The following ANO1 variants were observed in gnomAD, a reference collection of about 807,000 sequenced individuals.
ANO1 encodes anoctamin-1.
A neutral mutation model predicts 124.0 loss-of-function variants in ANO1; 59 were observed. That is an observed-to-expected ratio of 0.48 (90% CI 0.39 to 0.59). The LOEUF is 0.59. Ranked by LOEUF, ANO1 falls within the 20% of genes least tolerant of loss-of-function variation. ANO1 has a pLI of 0.00. For synonymous variants in ANO1, 529 were observed against 532.0 expected, an observed-to-expected ratio of 0.99 and a Z score of 0.08; for missense variants, 1,059 against 1,328.0, an observed-to-expected ratio of 0.80 and a Z score of 3.15.
At chr11:70,056,325 T>C (rs1857434016) in intron 1 of ANO1, 1 of 152,198 alleles carries the variant, frequency 6.6e-6, no homozygotes, top group Admixed American at 6.5e-5. Flanking sequence ...TTCAGCAATT[T>C]CAATATGTCA....
chr11:70,101,419 G>A (rs921982544), intron 2 of ANO1, among the ~76,000 whole-genome samples: 5 of 151,878 alleles, frequency 3.3e-5, no homozygotes, highest in Admixed American at 1.3e-4. Flanking sequence ...AGCTAGGCGT[G>A]GTGGTGCATG....
chr11:70,002,289 C>T (rs181680305), intron 1 of ANO1, among the ~76,000 whole-genome samples: 5 of 151,818 alleles, frequency 3.3e-5, no homozygotes, highest in South Asian at 2.1e-4. Flanking sequence ...TATGGTGAAA[C>T]CCCATCTCTA....
intron 11 of ANO1, 166 bp from the exon 12 acceptor site, chr11:70,149,544 G>A (rs146609527): frequency 9.3e-5 from 59 of 631,076 alleles, no homozygotes; most frequent in East Asian, 2.9e-4. Flanking sequence ...CCAGCTACTC[G>A]GGAGGCTGAG....
At chr11:70,080,972 C>G (rs367692408) in intron 1 of ANO1, among the ~76,000 whole-genome samples, 1 of 152,212 alleles carries the variant, frequency 6.6e-6, no homozygotes. Context: ...AGTCACCCAA[C>G]GAAGGCGGCT....
At chr11:70,122,189 T>TCTATC (rs2046316349) in intron 8 of ANO1, among the ~76,000 whole-genome samples, 1 of 67,482 alleles carries the variant, frequency 1.5e-5, no homozygotes, top group Admixed American at 1.6e-4. Context: ...CTGTCTGTCT[T>TCTATC]TCTGTCTCTC....
At chr11:70,076,303 C>T (rs1297839327), upstream of ANO1, among the ~76,000 whole-genome samples, 2 of 152,168 alleles carry the variant, frequency 1.3e-5, no homozygotes, top group Admixed American at 1.3e-4. Flanking sequence ...GAAGGTGGGG[C>T]CACCTTGCCT....
At chr11:70,103,890 A>G in intron 3 of ANO1, 109 bp from the exon 4 acceptor site, 2 of 1,236,052 alleles carry the variant, frequency 1.6e-6, no homozygotes, top group Non-Finnish European at 2.2e-6. Context: ...TGCTCTCAGG[A>G]CGCCCCGTTG....
intron 1 of ANO1, among the ~76,000 whole-genome samples, chr11:70,042,325 A>G (rs369003006): frequency 6.6e-6 from 1 of 152,198 alleles, no homozygotes; most frequent in Non-Finnish European, 1.5e-5. Context: ...TCCTTCCTAG[A>G]GGTAGTTTTC....
chr11:70,177,075 C>T (rs1590931748), intron 22 of ANO1, among the ~76,000 whole-genome samples: 1 of 152,354 alleles, frequency 6.6e-6, no homozygotes, highest in East Asian at 1.9e-4. Flanking sequence ...CCATCTCATC[C>T]CCGCCTCATC....
rs12275262 is a variant in ANO1, at chr11:70,148,590, C to A, written c.1259-1120C>A. On this transcript the variant is annotated intron_variant, in intron 11 of 25. Coordinates refer to ENST00000355303, the MANE Select transcript of ANO1 (RefSeq NM_018043.7). Reference sequence around the variant, plus strand: ...GCCTGGCAAGGAACAGCTCGAGAATCGTGAGCTCTGAGAAACTCTGTGGCC... The same window carrying A: ...GCCTGGCAAGGAACAGCTCGAGAATAGTGAGCTCTGAGAAACTCTGTGGCC... Among the ~76,000 whole-genome samples, 297 of 152,336 alleles carry A rather than the reference C, an allele frequency of 1.9e-3. 1 individual carries two copies. Among genetic ancestry groups the A allele is most frequent in the African/African-American group, 6.2e-3 (258 of 41,578 alleles).
chr11:70,062,703 G>A (rs982650324), intron 1 of ANO1, among the ~76,000 whole-genome samples: 1 of 152,154 alleles, frequency 6.6e-6, no homozygotes, highest in East Asian at 1.9e-4. Flanking sequence ...ATGAGACTGG[G>A]CAGGTTCCCA....
At position 70,095,424 on chromosome 11, in the gene ANO1, AAGAAAAGAAAAG is replaced by A. The variant is rs1337288258; in HGVS notation, c.441+7342_441+7353del. On this transcript the variant is annotated intron_variant, in intron 2 of 25. Coordinates refer to ENST00000355303, the MANE Select transcript of ANO1 (RefSeq NM_018043.7). Reference sequence around the variant, plus strand: ...AAAGAAAGAAAGAAAGAAAGAAAGAAAGAAAAGAAAAGAAAGAAAGAGGGAAAGAAAATTCAT... The same window carrying A: ...AAAGAAAGAAAGAAAGAAAGAAAGAAAAAGAAAGAGGGAAAGAAAATTCAT... Among the ~76,000 whole-genome samples the A allele has an allele frequency of 2.1e-3, 52 of 24,784 alleles. 2 individuals carry two copies. Among genetic ancestry groups the A allele is most frequent in the Admixed American group, 9.8e-3 (20 of 2,040 alleles). The allele number at this position is 24,784 out of a possible 152,430, so 16.3% of individuals were successfully genotyped here. A position where few individuals can be genotyped will look rare whatever the true frequency, so the allele number is the denominator to read the frequency against.
At chr11:70,149,878 C>T (rs1056614521) in intron 12 of ANO1, 86 bp downstream of exon 12, 7 of 1,472,848 alleles carry the variant, frequency 4.8e-6, no homozygotes, top group African/African-American at 1.4e-5. Context: ...CACGGAGGCC[C>T]GAGGTCAGAA....
chr11:70,012,167 CATCT>C (rs1306676341), intron 1 of ANO1, among the ~76,000 whole-genome samples: 4 of 151,860 alleles, frequency 2.6e-5, no homozygotes, highest in Non-Finnish European at 2.9e-5. Context: ...TCCATTGTTC[CATCT>C]ATCTATCCAT....
chr11:70,116,677 A>T, intron 8 of ANO1, 178 bp downstream of exon 8: 1 of 589,504 alleles, frequency 1.7e-6, no homozygotes, highest in South Asian at 2.0e-5. Context: ...AAAGTCCGTG[A>T]GCTTTGTGTG....
rs1414026211 is a variant in ANO1, at chr11:70,112,627, G to A, written c.855+865G>A. Reference sequence around the variant, plus strand: ...GGCTGGAGTGCAATGGCATGATCTCGGCTCACGGCAACCTCCACCTCTTGG... The same window carrying A: ...GGCTGGAGTGCAATGGCATGATCTCAGCTCACGGCAACCTCCACCTCTTGG... On this transcript the variant is annotated intron_variant, in intron 7 of 25. Coordinates refer to ENST00000355303, the MANE Select transcript of ANO1 (RefSeq NM_018043.7). 8.0e-5 allele frequency among the ~76,000 whole-genome samples: 12 copies of A among 149,404 alleles called. 1 individual carries two copies. The highest frequency in any genetic ancestry group is 2.7e-4 in the African/African-American group (11 of 40,530).
chr11:70,122,396 A>C (rs1224229036), intron 8 of ANO1, among the ~76,000 whole-genome samples: 9 of 77,554 alleles, frequency 1.2e-4, no homozygotes, highest in Admixed American at 3.7e-4. Flanking sequence ...CTGTCTCTCT[A>C]TCTCTGTCTC....
the ANO1 span, among the ~76,000 whole-genome samples, chr11:69,976,675 G>A: frequency 6.6e-6 from 1 of 151,858 alleles, no homozygotes; most frequent in Non-Finnish European, 1.5e-5. Context: ...AACCAGCCCT[G>A]CGACGCCTTG....
chr11:70,119,738 T>G (rs1254663921), intron 8 of ANO1, among the ~76,000 whole-genome samples: 1 of 149,698 alleles, frequency 6.7e-6, no homozygotes, highest in Non-Finnish European at 1.5e-5. Context: ...TTAATGATGG[T>G]TGATGGTTGG....
Sources: allele counts gnomAD v4.1 joint callset (sites outside exome capture counted in the v4.1 genomes callset), GRCh38; gene constraint gnomAD v4.1.1; transcripts MANE v1.5; gene names NCBI Gene and HGNC (gene_info 2026-07-23, HGNC 2026-07-21).